The following UNC5D variants were observed in gnomAD, a reference collection of about 807,000 sequenced individuals.
UNC5D encodes unc-5 netrin receptor D, also known as netrin receptor UNC5D.
In UNC5D, 39 loss-of-function variants were observed where a neutral mutation model predicts 105.4. That is an observed-to-expected ratio of 0.37 (90% CI 0.29 to 0.48). UNC5D has a LOEUF of 0.48. Among genes scored for constraint, UNC5D ranks in the 20% least tolerant of loss-of-function variants. The probability of loss-of-function intolerance (pLI) is 0.98; values close to 1 mark genes in which losing one functional copy is unlikely to be tolerated. For synonymous variants in UNC5D, 452 were observed against 450.4 expected (o/e 1.00, Z -0.04); for missense variants, 991 against 1,202.4 (o/e 0.82, Z 2.60).
intron 1 of UNC5D, among the ~76,000 whole-genome samples, chr8:35,476,387 T>C (rs1236789875): frequency 6.6e-6 from 1 of 152,224 alleles, no homozygotes; most frequent in East Asian, 1.9e-4. Context: ...TAAAGATGTA[T>C]GAAAATTCTT....
chr8:35,448,815 C>T lies in UNC5D; in HGVS notation c.104-100477C>T, dbSNP rs749682332. On this transcript the variant is annotated intron_variant, in intron 1 of 16. Transcript: ENST00000404895. ...TATCTGTTATTCTATACTCTATGTC[C>T]GTGTGTACACATTGTTTAGCTCCCA... Among the ~76,000 whole-genome samples the T allele has an allele frequency of 4.8e-4, 73 of 152,080 alleles. 1 individual carries two copies. The highest frequency in any genetic ancestry group is 1.0e-3 in the South Asian group (5 of 4,834).
At chr8:35,318,870 A>C (rs1008770034) in intron 1 of UNC5D, among the ~76,000 whole-genome samples, 1 of 152,110 alleles carries the variant, frequency 6.6e-6, no homozygotes, top group African/African-American at 2.4e-5. Context: ...GCTGTAACCT[A>C]TCCATTACGA....
At chr8:35,623,039 T>G (rs752387402) in intron 4 of UNC5D, among the ~76,000 whole-genome samples, 10 of 152,200 alleles carry the variant, frequency 6.6e-5, no homozygotes, top group Non-Finnish European at 1.5e-4. Flanking sequence ...AAGTGCTCTG[T>G]ACCAGTCAAG....
In UNC5D at chr8:35,381,866, TTTC is replaced by T. The variant is rs1193001080; in HGVS notation, c.103+145982_103+145984del. Among the ~76,000 whole-genome samples the T allele has an allele frequency of 2.6e-5, 4 of 152,324 alleles. No homozygotes were observed. In the East Asian group the frequency reaches 7.7e-4, roughly 29 times the overall value. The stretch of plus-strand genomic sequence containing the variant: ...CCGGTGCCTCCTCTCCTTTTCATGA[TTTC>T]TTGTCACAGATTTCTGTTGCTTTTG... On this transcript the variant is annotated intron_variant, in intron 1 of 16. Transcript: ENST00000404895.
Position 35,791,533 on chromosome 8 carries a change from G to C in UNC5D, c.*970G>C, listed in dbSNP as rs1419790968. 2 of 152,138 alleles carry C rather than the reference G, an allele frequency of 1.3e-5. No individual in the cohort carries two copies. The highest frequency in any genetic ancestry group is 2.9e-5 in the Non-Finnish European group (2 of 68,018). 9.4% of individuals were successfully genotyped at this position (152,138 alleles called of 1,614,324 possible). A position where few individuals can be genotyped will look rare whatever the true frequency, so the allele number is the denominator to read the frequency against. ...TAGTTATCTAACATTGTTGTTATAA[G>C]AAAATGAGTTTACTGCATTTTTCAA... is the stretch of plus-strand genomic sequence containing the variant. On this transcript the variant is annotated 3_prime_UTR_variant, in exon 17 of 17. Transcript: ENST00000404895.
At chr8:35,315,749 A>G (rs1809252512) in intron 1 of UNC5D, among the ~76,000 whole-genome samples, 1 of 152,184 alleles carries the variant, frequency 6.6e-6, no homozygotes, top group Non-Finnish European at 1.5e-5. Context: ...CCTCGGATGT[A>G]TGGAGAGATT....
At chr8:35,781,826 T>C (rs932495276) in intron 16 of UNC5D, among the ~76,000 whole-genome samples, 4 of 152,218 alleles carry the variant, frequency 2.6e-5, no homozygotes, top group Non-Finnish European at 5.9e-5. Context: ...CAACAGACAG[T>C]CCTCAAGGAT....
intron 4 of UNC5D, among the ~76,000 whole-genome samples, chr8:35,655,648 A>T (rs1224698985): frequency 1.3e-5 from 2 of 152,204 alleles, no homozygotes; most frequent in African/African-American, 4.8e-5. Flanking sequence ...AGTTCATAAT[A>T]TAAGATTGAA....
At chr8:35,650,558 C>A (rs1270819480) in intron 4 of UNC5D, among the ~76,000 whole-genome samples, 2 of 152,110 alleles carry the variant, frequency 1.3e-5, no homozygotes, top group African/African-American at 4.8e-5. Context: ...ACATTTGCCT[C>A]CTGAGTTCAA....
At chr8:35,591,735 C>A (rs1246171510) in intron 3 of UNC5D, among the ~76,000 whole-genome samples, 1 of 152,112 alleles carries the variant, frequency 6.6e-6, no homozygotes, top group Non-Finnish European at 1.5e-5. Flanking sequence ...TCAGATATTA[C>A]AATAGGCACT....
At chr8:35,715,176 G>A (rs1828187013) in intron 8 of UNC5D, among the ~76,000 whole-genome samples, 1 of 152,076 alleles carries the variant, frequency 6.6e-6, no homozygotes, top group Non-Finnish European at 1.5e-5. Flanking sequence ...AAAAAAGAAT[G>A]AAGTAGGCAT....
chr8:35,420,402 T>G (rs1479125751), intron 1 of UNC5D, among the ~76,000 whole-genome samples: 3 of 152,198 alleles, frequency 2.0e-5, no homozygotes, highest in Non-Finnish European at 4.4e-5. Context: ...TTCCTATTTC[T>G]TTCCCCTCCA....
intron 4 of UNC5D, among the ~76,000 whole-genome samples, chr8:35,677,249 T>C (rs1305096573): frequency 6.6e-6 from 1 of 152,226 alleles, no homozygotes; most frequent in African/African-American, 2.4e-5. Context: ...ACTATCATTT[T>C]TTAAAAATAC....
intron 1 of UNC5D, among the ~76,000 whole-genome samples, chr8:35,546,612 G>A (rs1815701977): frequency 6.6e-6 from 1 of 152,120 alleles, no homozygotes; most frequent in Non-Finnish European, 1.5e-5. Context: ...GCCCCTAATA[G>A]GAGTGTAAGC....
At chr8:35,364,712 T>G (rs1335835829) in intron 1 of UNC5D, among the ~76,000 whole-genome samples, 1 of 152,198 alleles carries the variant, frequency 6.6e-6, no homozygotes, top group African/African-American at 2.4e-5. Context: ...GTATATATAC[T>G]AAAATCCACA....
intron 2 of UNC5D, among the ~76,000 whole-genome samples, chr8:35,550,415 C>T (rs542011919): frequency 2.6e-5 from 4 of 152,222 alleles, no homozygotes; most frequent in Admixed American, 1.3e-4. Context: ...TCTGGTCACA[C>T]GTTAGATTGT....
chr8:35,271,713 T>A (rs2141434), intron 1 of UNC5D, among the ~76,000 whole-genome samples: 9 of 85,392 alleles, frequency 1.1e-4, no homozygotes, highest in African/African-American at 3.5e-4. Flanking sequence ...ACATATATAT[T>A]TATACATGTA....
intron 4 of UNC5D, among the ~76,000 whole-genome samples, chr8:35,668,307 T>C (rs145776942): frequency 6.6e-6 from 1 of 152,250 alleles, no homozygotes; most frequent in East Asian, 1.9e-4. Flanking sequence ...GACCAGGCAG[T>C]ACATACTGGT....
chr8:35,396,979 T>A (rs1325107913), intron 1 of UNC5D, among the ~76,000 whole-genome samples: 9 of 152,204 alleles, frequency 5.9e-5, no homozygotes, highest in African/African-American at 2.2e-4. Flanking sequence ...CGATCTTGGC[T>A]CATTGCAACC....
Sources: allele counts gnomAD v4.1 joint callset (sites outside exome capture counted in the v4.1 genomes callset), GRCh38; gene constraint gnomAD v4.1.1; transcripts MANE v1.5; gene names NCBI Gene and HGNC (gene_info 2026-07-23, HGNC 2026-07-21).